Variants in SUN1 observed in about 807,000 individuals in gnomAD.
The protein encoded by SUN1 is Sad1 and UNC84 domain containing 1.
In SUN1, 61 loss-of-function variants were observed where a neutral mutation model predicts 103.2. That is an observed-to-expected ratio of 0.59 (90% CI 0.48 to 0.73). The LOEUF is 0.73. Among genes scored for constraint, SUN1 ranks in the 30% least tolerant of loss-of-function variants. The probability of loss-of-function intolerance (pLI) is 0.00; values close to 1 mark genes in which losing one functional copy is unlikely to be tolerated. For missense variants in SUN1, 1,052 were observed against 1,034.6 expected (o/e 1.02, Z -0.23); for synonymous variants, 490 against 425.7 (o/e 1.15, Z -1.86).
chr7:872,631 C>A, intron 18 of SUN1, 69 bp downstream of exon 18: 1 of 1,267,270 alleles, frequency 7.9e-7, no homozygotes, highest in Non-Finnish European at 1.1e-6. Flanking sequence ...CAGGGCCCAG[C>A]TGGCATCAAC....
chr7:821,682 G>T (rs78972993), intron 1 of SUN1, among the ~76,000 whole-genome samples: 2,748 of 152,232 alleles, frequency 0.018, 93 homozygotes, highest in African/African-American at 0.063. Context: ...ATCCTTCAGC[G>T]TTCAACCCTT....
At chr7:854,125 C>T (rs1421652555) in intron 10 of SUN1, among the ~76,000 whole-genome samples, 1 of 152,244 alleles carries the variant, frequency 6.6e-6, no homozygotes, top group African/African-American at 2.4e-5. Flanking sequence ...AAACAGCCGA[C>T]AGCTGTTCAG....
chr7:822,421 C>A (rs1220799825), intron 1 of SUN1, among the ~76,000 whole-genome samples: 1 of 152,216 alleles, frequency 6.6e-6, no homozygotes, highest in East Asian at 1.9e-4. Flanking sequence ...AGGTCTCAGA[C>A]AAGCAGCGTG....
upstream of SUN1, among the ~76,000 whole-genome samples, chr7:827,582 G>T (rs1038072235): frequency 6.7e-6 from 1 of 148,266 alleles, no homozygotes; most frequent in East Asian, 2.1e-4. Context: ...CCATTCTCCC[G>T]CCTCAGCCTC....
chr7:835,900 A>C (rs1000937379), intron 1 of SUN1, among the ~76,000 whole-genome samples: 1 of 152,212 alleles, frequency 6.6e-6, no homozygotes, highest in Admixed American at 6.5e-5. Context: ...CCAGCCTCTC[A>C]TGGGGGTGTT....
intron 17 of SUN1, among the ~76,000 whole-genome samples, chr7:871,513 G>A (rs1381727520): frequency 6.6e-6 from 1 of 152,028 alleles, no homozygotes; most frequent in Non-Finnish European, 1.5e-5. Flanking sequence ...TCAGCCTCCC[G>A]AGTAGCCGGG....
intron 3 of SUN1, chr7:842,927 G>C (rs1811594399): frequency 3.5e-6 from 2 of 570,616 alleles, no homozygotes; most frequent in Non-Finnish European, 6.3e-6. Flanking sequence ...AGATAGATGG[G>C]CTTTCCTCTC....
chr7:830,426 G>A (rs938027846), upstream of SUN1, among the ~76,000 whole-genome samples: 2 of 152,206 alleles, frequency 1.3e-5, no homozygotes, highest in South Asian at 2.1e-4. Flanking sequence ...CTGTTACCTC[G>A]TTTCAAAGTG....
chr7:849,754 C>A, intron 5 of SUN1: 1 of 1,098,198 alleles, frequency 9.1e-7, no homozygotes, highest in South Asian at 1.3e-5. Context: ...TGCTTAAGCC[C>A]TCATCACAGA....
intron 1 of SUN1, 142 bp from the exon 2 acceptor site, chr7:838,656 G>A: frequency 8.5e-6 from 7 of 821,708 alleles, no homozygotes; most frequent in East Asian, 5.8e-5. Context: ...CCGTACGTTT[G>A]CTTTAGAGTG....
At chr7:846,562 G>C (rs1027110024) in intron 5 of SUN1, among the ~76,000 whole-genome samples, 2 of 151,850 alleles carry the variant, frequency 1.3e-5, no homozygotes, top group Admixed American at 6.6e-5. Flanking sequence ...GCGAGAGTGA[G>C]ACCTGTCTCA....
intron 1 of SUN1, among the ~76,000 whole-genome samples, chr7:818,684 C>T (rs1783129819): frequency 6.6e-6 from 1 of 152,212 alleles, no homozygotes; most frequent in South Asian, 2.1e-4. Flanking sequence ...ACTTTCTCCA[C>T]ATCCCCCCAA....
At position 874,689 on chromosome 7, in the gene SUN1, A is replaced by T. The variant is rs1431809478; in HGVS notation, c.*1358A>T. 6.6e-6 allele frequency: 1 copy of T among 152,222 alleles called. No individual in the cohort carries two copies. The highest frequency in any genetic ancestry group is 1.5e-5 in the Non-Finnish European group (1 of 68,044). The allele number at this position is 152,222 out of a possible 1,614,324, so 9.4% of individuals were successfully genotyped here. A position where few individuals can be genotyped will look rare whatever the true frequency, so the allele number is the denominator to read the frequency against. ...TCATATATTACAGGTTACATATATAAATCAAAATTTCCTATATAAAACTGA... is the reference window on the plus strand; with the variant it reads ...TCATATATTACAGGTTACATATATATATCAAAATTTCCTATATAAAACTGA... On this transcript the variant is annotated 3_prime_UTR_variant, in exon 19 of 19. Coordinates refer to ENST00000401592, the MANE Select transcript of SUN1 (RefSeq NM_001130965.3).
At chr7:817,580 C>A in intron 1 of SUN1, 1 of 1,495,614 alleles carries the variant, frequency 6.7e-7, no homozygotes, top group Non-Finnish European at 9.0e-7. Context: ...GGGTGGGAAG[C>A]TGCCCATAAT....
chr7:861,836 A>G (rs1832489228), intron 15 of SUN1, among the ~76,000 whole-genome samples: 1 of 152,224 alleles, frequency 6.6e-6, no homozygotes, highest in Admixed American at 6.5e-5. Context: ...CAGCAGCAAG[A>G]CAGACCGAGA....
rs750855204 is a variant in SUN1 at position 866,077 on chromosome 7, C to T, written c.1980+10C>T. 8.1e-6 allele frequency: 13 copies of T among 1,612,274 alleles called. No individual in the cohort carries two copies. Among genetic ancestry groups the T allele is most frequent in the African/African-American group, 2.7e-5 (2 of 74,832 alleles). ...GCGCGTGGTCATCCAGGTGAGTGGC[C>T]GCCGGTGGCCGGAGCTGCTCCTCTT... On this transcript the variant is annotated intron_variant, in intron 16 of 18. Transcript: ENST00000401592.
intron 1 of SUN1, among the ~76,000 whole-genome samples, chr7:819,795 G>A (rs574349797): frequency 1.3e-4 from 19 of 143,044 alleles, no homozygotes; most frequent in South Asian, 2.2e-4. Context: ...TGCAACCTCC[G>A]CCTCCCAGGT....
chr7:851,522 C>T, intron 6 of SUN1, 40 bp downstream of exon 6: 1 of 1,512,918 alleles, frequency 6.6e-7, no homozygotes, highest in Non-Finnish European at 9.0e-7. Flanking sequence ...CTCTCCAGAG[C>T]TTCTGGCAGC....
rs527433988 is a variant in SUN1 at position 825,094 on chromosome 7, G to A, written c.-74+8421G>A. ...TTTTTTTTTAGGCGGAGTCTTGCTC[G>A]GTCACCCAGGCTGGAGTGCAGTGGC... On this transcript the variant is annotated intron_variant, in intron 1 of 17. Coordinates refer to the SUN1 transcript ENST00000389574. Among the ~76,000 whole-genome samples, 122 of 151,526 alleles carry A rather than the reference G, an allele frequency of 8.1e-4. 1 individual carries two copies. The South Asian group carries it at 0.016, about 20-fold the overall frequency.
Sources: gnomAD v4.1 joint callset for allele counts (sites outside exome capture counted in the v4.1 genomes callset) on GRCh38, gnomAD v4.1.1 for gene constraint, MANE v1.5 for transcripts, NCBI Gene and HGNC (gene_info 2026-07-23, HGNC 2026-07-21) for gene names.